Variants in STRN observed in about 807,000 individuals in gnomAD.
STRN encodes the protein striatin.
In STRN, 53 loss-of-function variants were observed where a neutral mutation model predicts 96.3. The observed-to-expected ratio is 0.55, with a 90% CI of 0.44 to 0.69. STRN has a LOEUF of 0.69. Ranked by LOEUF, STRN falls within the 30% of genes least tolerant of loss-of-function variation. The pLI is 0.00. For synonymous variants in STRN, 428 were observed against 355.9 expected (o/e 1.20, Z -2.28); for missense variants, 987 against 963.9 (o/e 1.02, Z -0.32).
chr2:36,910,998 A>C (rs1028008482), intron 3 of STRN, among the ~76,000 whole-genome samples: 4 of 152,364 alleles, frequency 2.6e-5, no homozygotes, highest in Admixed American at 2.6e-4. Flanking sequence ...TCTGGTTATC[A>C]GTTTTAGGAA....
chr2:36,878,584 C>T (rs1558634112), intron 9 of STRN, among the ~76,000 whole-genome samples: 1 of 152,140 alleles, frequency 6.6e-6, no homozygotes, highest in African/African-American at 2.4e-5. Flanking sequence ...AACAACAGGA[C>T]TTCCAGGGCC....
chr2:36,843,838 T>C lies in STRN; in HGVS notation c.*5618A>G, dbSNP rs1267641289. The C allele has an allele frequency of 6.6e-6, 1 of 152,168 alleles. No individual in the cohort carries two copies. The highest frequency in any genetic ancestry group is 1.5e-5 in the Non-Finnish European group (1 of 68,016). 9.4% of individuals were successfully genotyped at this position (152,168 alleles called of 1,614,324 possible). On this transcript the variant is annotated 3_prime_UTR_variant, in exon 18 of 18. Coordinates refer to ENST00000263918, the MANE Select transcript of STRN (RefSeq NM_003162.4). ...CTTTATTTAAAAACAAATAATACACTTAGAGCCACCAAAGATGGATATCTT... is the reference window on the plus strand; with the variant it reads ...CTTTATTTAAAAACAAATAATACACCTAGAGCCACCAAAGATGGATATCTT...
At chr2:36,881,824 T>C (rs1399213049) in intron 9 of STRN, among the ~76,000 whole-genome samples, 1 of 152,228 alleles carries the variant, frequency 6.6e-6, no homozygotes, top group African/African-American at 2.4e-5. Context: ...ATAAACTTTT[T>C]GAATTATGAG....
chr2:36,908,170 A>C (rs528872872), intron 3 of STRN, among the ~76,000 whole-genome samples: 3 of 152,216 alleles, frequency 2.0e-5, no homozygotes, highest in Non-Finnish European at 4.4e-5. Context: ...AAAAACATTT[A>C]CATTGCCATT....
chr2:36,953,774 T>C (rs569798693), intron 1 of STRN, among the ~76,000 whole-genome samples: 1 of 152,316 alleles, frequency 6.6e-6, no homozygotes, highest in African/African-American at 2.4e-5. Context: ...ACTTTCTGCA[T>C]AAGAGCAAAT....
intron 6 of STRN, among the ~76,000 whole-genome samples, chr2:36,894,681 T>C (rs1367800637): frequency 6.6e-6 from 1 of 152,222 alleles, no homozygotes; most frequent in Non-Finnish European, 1.5e-5. Context: ...TCAGTTTCTC[T>C]AGACTTCAGC....
chr2:36,888,421 T>C (rs993461886), intron 7 of STRN, among the ~76,000 whole-genome samples: 1 of 152,170 alleles, frequency 6.6e-6, no homozygotes, highest in African/African-American at 2.4e-5. Context: ...TCTTACTACA[T>C]TCTCCCTAGA....
intron 3 of STRN, among the ~76,000 whole-genome samples, chr2:36,912,035 C>T (rs1669976008): frequency 6.6e-6 from 1 of 152,150 alleles, no homozygotes; most frequent in South Asian, 2.1e-4. Flanking sequence ...TACCCACCAC[C>T]AAACAGAAAT....
chr2:36,925,017 T>C (rs1024345270), intron 2 of STRN, 88 bp downstream of exon 2: 19 of 1,202,978 alleles, frequency 1.6e-5, no homozygotes, highest in South Asian at 3.8e-5. Context: ...GATCGTACCA[T>C]TGCACCCCAG....
intron 4 of STRN, among the ~76,000 whole-genome samples, chr2:36,903,488 C>T (rs1272334387): frequency 6.6e-6 from 1 of 152,152 alleles, no homozygotes; most frequent in Admixed American, 6.5e-5. Flanking sequence ...TACCTACTAA[C>T]ACCAAAGTTG....
chr2:36,874,770 A>C (rs1413633327), intron 10 of STRN, among the ~76,000 whole-genome samples: 1 of 152,006 alleles, frequency 6.6e-6, no homozygotes, highest in South Asian at 2.1e-4. Flanking sequence ...TCAATACGCA[A>C]TAACAGTTGA....
chr2:36,918,507 T>G (rs1297383971), intron 2 of STRN, among the ~76,000 whole-genome samples: 1 of 151,984 alleles, frequency 6.6e-6, no homozygotes. Flanking sequence ...TACTGCATTA[T>G]AGTGCATTCT....
At chr2:36,894,082 C>G (rs781586005) in intron 6 of STRN, 49 bp from the exon 7 acceptor site, 1 of 1,569,126 alleles carries the variant, frequency 6.4e-7, no homozygotes, top group Non-Finnish European at 8.6e-7. Flanking sequence ...TTTCCCTTTA[C>G]CACTGAATAA....
chr2:36,903,508 G>A (rs1669742343), intron 4 of STRN, among the ~76,000 whole-genome samples: 1 of 152,160 alleles, frequency 6.6e-6, no homozygotes, highest in South Asian at 2.1e-4. Flanking sequence ...GACCAGAACA[G>A]ACCAAAAGTG....
chr2:36,953,013 G>A (rs1424786446), intron 1 of STRN, among the ~76,000 whole-genome samples: 1 of 152,180 alleles, frequency 6.6e-6, no homozygotes, highest in Non-Finnish European at 1.5e-5. Context: ...TCACCGTTGT[G>A]GAATTTGACA....
intron 10 of STRN, among the ~76,000 whole-genome samples, chr2:36,870,157 AT>A (rs1402917500): frequency 6.6e-6 from 1 of 152,128 alleles, no homozygotes. Flanking sequence ...TAATAGCTAA[AT>A]TTTCTTCATC....
Position 36,839,672 on chromosome 2 carries a change from C to T in STRN, c.*9784G>A, listed in dbSNP as rs539637951. 2.0e-4 allele frequency among the ~76,000 whole-genome samples: 30 copies of T among 152,210 alleles called. 1 individual carries two copies. In the South Asian group the frequency reaches 6.2e-3, roughly 32 times the overall value. The stretch of plus-strand genomic sequence containing the variant: ...AACAGACAATAAATGTCCTATTGTC[C>T]AGGCCAAATTCCTGCTTTCTTCTGT... On this transcript the variant is annotated 3_prime_UTR_variant, in exon 18 of 18. Transcript: ENST00000263918.
At chr2:36,896,075 A>G (rs1167015394) in intron 6 of STRN, among the ~76,000 whole-genome samples, 4 of 152,170 alleles carry the variant, frequency 2.6e-5, no homozygotes, top group African/African-American at 9.7e-5. Context: ...ATGAGTTGCC[A>G]GCTGTAATTC....
At chr2:36,911,041 CA>C (rs551367476) in intron 3 of STRN, among the ~76,000 whole-genome samples, 3 of 150,518 alleles carry the variant, frequency 2.0e-5, no homozygotes, top group African/African-American at 2.4e-5. Context: ...ACAAAGAATG[CA>C]AAAAAAAATC....
Sources: gnomAD v4.1 joint callset for allele counts (sites outside exome capture counted in the v4.1 genomes callset) on GRCh38, gnomAD v4.1.1 for gene constraint, MANE v1.5 for transcripts, NCBI Gene and HGNC (gene_info 2026-07-23, HGNC 2026-07-21) for gene names.